EPHA7: variants seen among roughly 807,000 people sequenced by gnomAD.
The protein encoded by EPHA7 is EPH receptor A7.
In EPHA7, 25 loss-of-function variants were observed where a neutral mutation model predicts 112.6. The ratio of observed to expected loss-of-function variants is 0.22; its 90% confidence interval spans 0.16 to 0.31. The LOEUF is 0.31. Ranked by LOEUF, EPHA7 falls within the 10% of genes least tolerant of loss-of-function variation. The pLI, the probability that EPHA7 is intolerant of heterozygous loss-of-function variation, is 1.00. For missense variants in EPHA7, 962 were observed against 1,212.6 expected, an observed-to-expected ratio of 0.79 and a Z score of 3.07; for synonymous variants, 437 against 406.5, an observed-to-expected ratio of 1.07 and a Z score of -0.90.
At chr6:93,284,423 G>T (rs1771954176) in intron 5 of EPHA7, among the ~76,000 whole-genome samples, 2 of 151,896 alleles carry the variant, frequency 1.3e-5, no homozygotes, top group Admixed American at 6.6e-5. Context: ...AAAGAAAGGA[G>T]AAAGAAAAGA....
At chr6:93,259,613 T>C in intron 9 of EPHA7, 134 bp from the exon 10 acceptor site, 1 of 1,013,456 alleles carries the variant, frequency 9.9e-7, no homozygotes, top group Non-Finnish European at 1.5e-6. Flanking sequence ...ACAGCAGTTT[T>C]AACAGACTAC....
At chr6:93,291,600 C>G (rs1431249251) in intron 5 of EPHA7, among the ~76,000 whole-genome samples, 1 of 150,212 alleles carries the variant, frequency 6.7e-6, no homozygotes, top group Non-Finnish European at 1.5e-5. Flanking sequence ...AACCCCGTCT[C>G]TACTAAAAAT....
At chr6:93,291,476 A>T (rs1208487753) in intron 5 of EPHA7, among the ~76,000 whole-genome samples, 1 of 152,190 alleles carries the variant, frequency 6.6e-6, no homozygotes, top group Non-Finnish European at 1.5e-5. Flanking sequence ...CAGATAAAAA[A>T]TACTTTTCTG....
intron 5 of EPHA7, among the ~76,000 whole-genome samples, chr6:93,272,765 C>T (rs1771288877): frequency 6.6e-6 from 1 of 151,584 alleles, no homozygotes; most frequent in African/African-American, 2.4e-5. Flanking sequence ...TAAACTAAGT[C>T]CAAATATTTA....
chr6:93,353,015 A>T (rs183570730), intron 5 of EPHA7, among the ~76,000 whole-genome samples: 1 of 152,226 alleles, frequency 6.6e-6, no homozygotes. Flanking sequence ...TGATGAAATA[A>T]TCTATACAAC....
At chr6:93,415,949 T>C (rs1779200316) in intron 1 of EPHA7, among the ~76,000 whole-genome samples, 2 of 152,168 alleles carry the variant, frequency 1.3e-5, no homozygotes, top group African/African-American at 2.4e-5. Context: ...GAACAGTTGA[T>C]TATGTGTTTA....
intron 2 of EPHA7, among the ~76,000 whole-genome samples, chr6:93,411,662 C>T (rs186387410): frequency 6.6e-6 from 1 of 152,142 alleles, no homozygotes; most frequent in African/African-American, 2.4e-5. Flanking sequence ...ATTCAACAAC[C>T]TGTTGATATT....
chr6:93,368,282 T>C (rs1210216785), intron 3 of EPHA7, among the ~76,000 whole-genome samples: 1 of 152,096 alleles, frequency 6.6e-6, no homozygotes, highest in Non-Finnish European at 1.5e-5. Flanking sequence ...ATTTCAGAGG[T>C]GACTATAAAT....
At chr6:93,271,063 G>C (rs543273976) in intron 6 of EPHA7, among the ~76,000 whole-genome samples, 38 of 151,776 alleles carry the variant, frequency 2.5e-4, no homozygotes, top group African/African-American at 8.9e-4. Flanking sequence ...AATTTAAGCA[G>C]AGAATATAAC....
intron 3 of EPHA7, among the ~76,000 whole-genome samples, chr6:93,407,662 T>C (rs998083073): frequency 6.6e-6 from 1 of 152,058 alleles, no homozygotes; most frequent in Non-Finnish European, 1.5e-5. Context: ...AATTAAATGT[T>C]ACTATAATAT....
chr6:93,257,559 C>T, intron 11 of EPHA7, 36 bp from the exon 12 acceptor site: 9 of 1,432,938 alleles, frequency 6.3e-6, no homozygotes, highest in South Asian at 5.9e-5. Flanking sequence ...GGAGTCGTAA[C>T]CTGAGCTGGA....
intron 5 of EPHA7, among the ~76,000 whole-genome samples, chr6:93,354,731 G>C (rs917570957): frequency 6.7e-6 from 1 of 150,234 alleles, no homozygotes; most frequent in African/African-American, 2.4e-5. Context: ...CGAAATATTT[G>C]ATTCCAGAAA....
chr6:93,418,499 G>A (rs1325920055), intron 1 of EPHA7, among the ~76,000 whole-genome samples: 1 of 152,206 alleles, frequency 6.6e-6, no homozygotes, highest in Non-Finnish European at 1.5e-5. Flanking sequence ...CACAGCTCCA[G>A]CCCGCCCCCT....
At chr6:93,387,962 G>GATAGATAGATAGATAA (rs1777708651) in intron 3 of EPHA7, among the ~76,000 whole-genome samples, 6 of 151,670 alleles carry the variant, frequency 4.0e-5, no homozygotes, top group African/African-American at 1.5e-4. Flanking sequence ...TAGATAGATA[G>GATAGATAGATAGATAA]ATAGATAGAT....
At chr6:93,373,118 T>C (rs1776883706) in intron 3 of EPHA7, among the ~76,000 whole-genome samples, 1 of 152,012 alleles carries the variant, frequency 6.6e-6, no homozygotes, top group South Asian at 2.1e-4. Context: ...TAACAGAAGA[T>C]ATATTTGTAT....
At chr6:93,347,195 A>G (rs164532) in intron 5 of EPHA7, among the ~76,000 whole-genome samples, 57,838 of 151,640 alleles carry the variant, frequency 0.38, 12,665 homozygotes, top group African/African-American at 0.58. Flanking sequence ...TTATTAGGTT[A>G]AAATTGCCAA....
intron 3 of EPHA7, among the ~76,000 whole-genome samples, chr6:93,375,554 GT>G (rs1777015569): frequency 6.6e-6 from 1 of 150,656 alleles, no homozygotes; most frequent in Admixed American, 6.6e-5. Flanking sequence ...GGACACAGAA[GT>G]TACAGTGAGC....
Position 93,419,289 on chromosome 6 carries a change from A to G in EPHA7, c.53T>C (p.Leu18Pro), listed in dbSNP as rs1216196756. The change falls in exon 1 of 17, where the codon CTG becomes CCG. Residue 18 changes from leucine to proline, a missense_variant. This residue lies in a region of EPHA7 where 56 missense variants were observed against 59.9 expected (regional missense o/e 0.94). Coordinates refer to ENST00000369303, the MANE Select transcript of EPHA7 (RefSeq NM_004440.4). The stretch of plus-strand genomic sequence containing the variant: ...CTCCCCTGTGTGTGCAAAGCGGAGC[A>G]GCCAGATGTAGCATAAAATAATCCA... ...PSWIILCYIW[L>P]LRFAHTGEAQ... 2 of 1,614,146 alleles carry G rather than the reference A, an allele frequency of 1.2e-6. No homozygotes were observed. Among genetic ancestry groups the G allele is most frequent in the Non-Finnish European group, 1.7e-6 (2 of 1,179,988 alleles).
chr6:93,377,412 C>CA (rs965914452), intron 3 of EPHA7, among the ~76,000 whole-genome samples: 23 of 149,508 alleles, frequency 1.5e-4, no homozygotes, highest in African/African-American at 3.9e-4. Flanking sequence ...AATATTTAAA[C>CA]AAAAAAAACC....
Sources: allele counts gnomAD v4.1 joint callset (sites outside exome capture counted in the v4.1 genomes callset), GRCh38; gene constraint gnomAD v4.1.1; regional missense constraint gnomAD v4.1.1; transcripts MANE v1.5; gene names NCBI Gene and HGNC (gene_info 2026-07-23, HGNC 2026-07-21).